Variants in TAFA5 observed in about 807,000 individuals in gnomAD.
The protein encoded by TAFA5 is chemokine-like protein TAFA-5.
A neutral mutation model predicts 15.3 loss-of-function variants in TAFA5; 6 were observed. The ratio of observed to expected loss-of-function variants is 0.39; its 90% CI spans 0.21 to 0.77. TAFA5 has a LOEUF of 0.77. TAFA5 is among the 30% of genes least tolerant of loss of function. The probability of loss-of-function intolerance (pLI) is 0.41; values close to 1 mark genes in which losing one functional copy is unlikely to be tolerated. For synonymous variants in TAFA5, 103 were observed against 80.7 expected, an observed-to-expected ratio of 1.28 and a Z score of -1.48; for missense variants, 161 against 193.1, an observed-to-expected ratio of 0.83 and a Z score of 0.98.
Position 48,626,161 on chromosome 22 carries a change from C to T in TAFA5, c.113-20436C>T, listed in dbSNP as rs148736181. Among the ~76,000 whole-genome samples the T allele has an allele frequency of 3.0e-3, 450 of 152,292 alleles. 3 individuals carry two copies. The highest frequency in any genetic ancestry group is 0.01 in the African/African-American group (419 of 41,562). Reference sequence around the variant, plus strand: ...AATAAGGCAGCTATAAACATTCACACGCAGCTTTCTGTGTGGGCAGAAGTT... The same window carrying T: ...AATAAGGCAGCTATAAACATTCACATGCAGCTTTCTGTGTGGGCAGAAGTT... On this transcript the variant is annotated intron_variant, in intron 1 of 3. Coordinates refer to ENST00000402357, the MANE Select transcript of TAFA5 (RefSeq NM_001082967.3).
At chr22:48,570,363 C>T (rs1319121539) in intron 1 of TAFA5, among the ~76,000 whole-genome samples, 2 of 152,150 alleles carry the variant, frequency 1.3e-5, no homozygotes, top group Non-Finnish European at 2.9e-5. Context: ...TATCTCAAAT[C>T]GCAGAATATA....
At chr22:48,526,284 A>C (rs1921779035) in intron 1 of TAFA5, among the ~76,000 whole-genome samples, 1 of 152,102 alleles carries the variant, frequency 6.6e-6, no homozygotes, top group Non-Finnish European at 1.5e-5. Flanking sequence ...GTCTTTGGGG[A>C]GGTCCCCTGC....
At chr22:48,522,414 G>A (rs945634271) in intron 1 of TAFA5, among the ~76,000 whole-genome samples, 3 of 152,132 alleles carry the variant, frequency 2.0e-5, no homozygotes, top group Non-Finnish European at 4.4e-5. Context: ...CACTGGCACC[G>A]GCGGCCCCAG....
At chr22:48,652,228 C>T (rs534131889) in intron 2 of TAFA5, among the ~76,000 whole-genome samples, 2 of 152,330 alleles carry the variant, frequency 1.3e-5, no homozygotes, top group South Asian at 2.1e-4. Flanking sequence ...CTCTATTGTA[C>T]GCAAGAGACT....
intron 2 of TAFA5, among the ~76,000 whole-genome samples, chr22:48,697,117 G>C (rs1202790612): frequency 1.3e-5 from 2 of 152,240 alleles, no homozygotes; most frequent in Non-Finnish European, 2.9e-5. Context: ...TCCAAGAAGA[G>C]AGGAACCTGG....
intron 2 of TAFA5, among the ~76,000 whole-genome samples, chr22:48,687,016 GTGGA>G (rs903082524): frequency 1.3e-5 from 2 of 149,942 alleles, no homozygotes; most frequent in Non-Finnish European, 3.0e-5. Context: ...TGGTGGACAA[GTGGA>G]TGGATGGATG....
In TAFA5 at chr22:48,742,472, T is replaced by C. The variant is rs1388152048; in HGVS notation, c.391-7367T>C. Among the ~76,000 whole-genome samples the C allele has an allele frequency of 6.6e-6, 1 of 151,900 alleles. No homozygotes were observed. Among genetic ancestry groups the C allele is most frequent in the Non-Finnish European group, 1.5e-5 (1 of 67,974 alleles). ...AGCGGGTGGTGCTGTGTGGCGGAGC[T>C]GGCGGCGCAGTGGAGCGGGCGTTGT... is the stretch of plus-strand genomic sequence containing the variant. On this transcript the variant is annotated intron_variant, in intron 3 of 3. Transcript: ENST00000402357. This position sits in a 1 kb window ranked among gnomAD's most constrained non-coding sequence, Gnocchi z 6.2.
chr22:48,531,350 G>T (rs958045616), intron 1 of TAFA5, among the ~76,000 whole-genome samples: 1 of 152,206 alleles, frequency 6.6e-6, no homozygotes, highest in Non-Finnish European at 1.5e-5. Flanking sequence ...TGGGGCACCG[G>T]CCTGCCTGTC....
chr22:48,575,753 C>T (rs1460210538), intron 1 of TAFA5, among the ~76,000 whole-genome samples: 5 of 144,906 alleles, frequency 3.5e-5, no homozygotes. Context: ...CCCGCCAGCC[C>T]CGGGCCGCGC....
intron 1 of TAFA5, among the ~76,000 whole-genome samples, chr22:48,507,040 C>A (rs577175466): frequency 6.6e-6 from 1 of 151,418 alleles, no homozygotes; most frequent in South Asian, 2.1e-4. Flanking sequence ...GGGACAGCCG[C>A]CAAGAGCCAG....
intron 1 of TAFA5, among the ~76,000 whole-genome samples, chr22:48,592,563 T>A (rs772288671): frequency 1.2e-4 from 18 of 152,118 alleles, no homozygotes; most frequent in Admixed American, 7.2e-4. Flanking sequence ...ACGAAACGGG[T>A]GCTCCGGGCA....
chr22:48,701,410 G>A (rs376661885), intron 2 of TAFA5, among the ~76,000 whole-genome samples: 23 of 152,294 alleles, frequency 1.5e-4, no homozygotes, highest in African/African-American at 5.1e-4. Flanking sequence ...TCTCCTGCAC[G>A]GGTCCACCCA....
At chr22:48,694,461 T>C (rs1027823618) in intron 2 of TAFA5, among the ~76,000 whole-genome samples, 5 of 152,148 alleles carry the variant, frequency 3.3e-5, no homozygotes, top group Admixed American at 3.3e-4. Flanking sequence ...GAGGCTCTTC[T>C]GGAGGTGTGG....
intron 1 of TAFA5, among the ~76,000 whole-genome samples, chr22:48,622,772 T>A (rs917109115): frequency 5.3e-5 from 8 of 152,220 alleles, no homozygotes; most frequent in Non-Finnish European, 1.2e-4. Context: ...TGTGGCCGCC[T>A]CTGCCAGCAG....
At chr22:48,585,928 A>G (rs1034400527) in intron 1 of TAFA5, among the ~76,000 whole-genome samples, 2 of 152,096 alleles carry the variant, frequency 1.3e-5, no homozygotes, top group African/African-American at 4.8e-5. Flanking sequence ...TACACCCATC[A>G]CACCGCACAC....
intron 2 of TAFA5, among the ~76,000 whole-genome samples, chr22:48,704,208 A>G (rs78036172): frequency 0.3 from 44,833 of 150,844 alleles, 6,930 homozygotes; most frequent in African/African-American, 0.39. Context: ...GCGCACACAC[A>G]CACACACACA....
chr22:48,596,355 G>A (rs541288901), intron 1 of TAFA5, among the ~76,000 whole-genome samples: 4 of 152,306 alleles, frequency 2.6e-5, no homozygotes, highest in African/African-American at 9.6e-5. Context: ...TGGCATCAGG[G>A]CTAAGGGACA....
chr22:48,602,523 C>A (rs1430478920), intron 1 of TAFA5, among the ~76,000 whole-genome samples: 1 of 152,222 alleles, frequency 6.6e-6, no homozygotes, highest in Non-Finnish European at 1.5e-5. Context: ...CCTCTCACCC[C>A]CTTGCAGTTT....
At position 48,695,868 on chromosome 22, in the gene TAFA5, G is replaced by A. The variant is rs139724106; in HGVS notation, c.263-11849G>A. Among the ~76,000 whole-genome samples, 433 of 152,326 alleles carry A rather than the reference G, an allele frequency of 2.8e-3. 1 individual carries two copies. Among genetic ancestry groups the A allele is most frequent in the African/African-American group, 9.8e-3 (408 of 41,570 alleles). Reference sequence around the variant, plus strand: ...GTCAGCGTGGCTGGCTTCAAGTTCTGCATACAGCATCACTCAGTCCCTAGT... The same window carrying A: ...GTCAGCGTGGCTGGCTTCAAGTTCTACATACAGCATCACTCAGTCCCTAGT... On this transcript the variant is annotated intron_variant, in intron 2 of 3. Coordinates refer to ENST00000402357, the MANE Select transcript of TAFA5 (RefSeq NM_001082967.3).
Sources: gnomAD v4.1 joint callset for allele counts (sites outside exome capture counted in the v4.1 genomes callset) on GRCh38, gnomAD v4.1.1 for gene constraint, Gnocchi (gnomAD v3.1) non-coding constraint, MANE v1.5 for transcripts, NCBI Gene and HGNC (gene_info 2026-07-23, HGNC 2026-07-21) for gene names.